LINGO2: variants seen among roughly 807,000 people sequenced by gnomAD.
LINGO2 encodes leucine-rich repeat and immunoglobulin-like domain-containing nogo receptor-interacting protein 2.
In LINGO2, 14 loss-of-function variants were observed where a neutral mutation model predicts 30.6. The ratio of observed to expected loss-of-function variants is 0.46; its 90% confidence interval spans 0.30 to 0.72. The LOEUF is 0.72. Among genes scored for constraint, LINGO2 ranks in the 30% least tolerant of loss-of-function variants. The pLI is 0.07. For synonymous variants in LINGO2, 317 were observed against 288.5 expected, an observed-to-expected ratio of 1.10 and a Z score of -1.00; for missense variants, 729 against 751.7, an observed-to-expected ratio of 0.97 and a Z score of 0.35.
chr9:28,678,074 G>A, the LINGO2 span, among the ~76,000 whole-genome samples: 3 of 148,154 alleles, frequency 2.0e-5, no homozygotes, highest in Non-Finnish European at 3.0e-5. Flanking sequence ...ACCTTCCAAC[G>A]AAAATTATCT....
the LINGO2 span, among the ~76,000 whole-genome samples, chr9:29,180,410 C>T: frequency 6.6e-6 from 1 of 152,206 alleles, no homozygotes; most frequent in African/African-American, 2.4e-5. Flanking sequence ...TATCCTTCTA[C>T]ATTTTATTCC....
the LINGO2 span, among the ~76,000 whole-genome samples, chr9:28,740,096 A>G: frequency 1.3e-5 from 2 of 150,728 alleles, no homozygotes; most frequent in Non-Finnish European, 2.9e-5. Flanking sequence ...CTGCCCCCAG[A>G]AAAATATGTG....
the LINGO2 span, among the ~76,000 whole-genome samples, chr9:28,838,313 C>A: frequency 2.0e-5 from 3 of 152,190 alleles, no homozygotes; most frequent in South Asian, 6.2e-4. Context: ...ATTTGTCTGG[C>A]TTTAGAAAGT....
intron 4 of LINGO2, among the ~76,000 whole-genome samples, chr9:28,125,861 T>C (rs1019285489): frequency 9.2e-5 from 14 of 152,220 alleles, no homozygotes; most frequent in African/African-American, 3.4e-4. Flanking sequence ...GTTCAGTTTT[T>C]ACATTTCCCA....
At chr9:28,961,126 A>G in the LINGO2 span, among the ~76,000 whole-genome samples, 1 of 152,184 alleles carries the variant, frequency 6.6e-6, no homozygotes, top group Non-Finnish European at 1.5e-5. Flanking sequence ...ATATACTGTA[A>G]GGTTTGGAAT....
chr9:28,047,395 T>C (rs1171443090), intron 4 of LINGO2, among the ~76,000 whole-genome samples: 1 of 140,998 alleles, frequency 7.1e-6, no homozygotes, highest in Non-Finnish European at 1.5e-5. Context: ...TTTTTTCATA[T>C]TCAAACAGAT....
chr9:28,117,208 C>T (rs1826935855), intron 4 of LINGO2, among the ~76,000 whole-genome samples: 1 of 151,922 alleles, frequency 6.6e-6, no homozygotes, highest in African/African-American at 2.4e-5. Context: ...GGGGTGCCTC[C>T]CAGTTAGGCT....
chr9:29,102,577 G>T, the LINGO2 span, among the ~76,000 whole-genome samples: 1 of 152,114 alleles, frequency 6.6e-6, no homozygotes. Context: ...TCATTTAATT[G>T]AAAGTTCCTC....
At chr9:28,297,322 A>T (rs1823960160) in intron 3 of LINGO2, among the ~76,000 whole-genome samples, 1 of 152,216 alleles carries the variant, frequency 6.6e-6, no homozygotes, top group South Asian at 2.1e-4. Context: ...TCTTTTCAGC[A>T]GTGATGATTT....
intron 4 of LINGO2, among the ~76,000 whole-genome samples, chr9:28,122,501 G>C (rs545283520): frequency 5.3e-5 from 8 of 152,156 alleles, no homozygotes; most frequent in African/African-American, 1.9e-4. Flanking sequence ...AGAAAGTTTT[G>C]CTAACCTGTC....
intron 3 of LINGO2, among the ~76,000 whole-genome samples, chr9:28,323,147 A>G (rs1442465922): frequency 6.6e-6 from 1 of 152,222 alleles, no homozygotes; most frequent in Non-Finnish European, 1.5e-5. Flanking sequence ...ATACAGTTTA[A>G]TATGTTATAT....
At chr9:29,203,165 G>A in the LINGO2 span, among the ~76,000 whole-genome samples, 12 of 152,112 alleles carry the variant, frequency 7.9e-5, no homozygotes, top group African/African-American at 2.2e-4. Flanking sequence ...AATGATCTTC[G>A]CTGATTATAA....
intron 5 of LINGO2, among the ~76,000 whole-genome samples, chr9:27,952,795 G>T (rs949864733): frequency 9.2e-5 from 14 of 151,972 alleles, no homozygotes; most frequent in Non-Finnish European, 5.9e-5. Context: ...TGTACTAGAA[G>T]AAAATTCAAT....
At chr9:28,401,392 T>C (rs1472564944) in intron 2 of LINGO2, among the ~76,000 whole-genome samples, 1 of 151,844 alleles carries the variant, frequency 6.6e-6, no homozygotes, top group Admixed American at 6.6e-5. Context: ...TGGTGTTTGG[T>C]TTTTGGTTTC....
At chr9:27,979,009 T>C (rs1421144412) in intron 5 of LINGO2, among the ~76,000 whole-genome samples, 2 of 152,032 alleles carry the variant, frequency 1.3e-5, no homozygotes, top group African/African-American at 4.8e-5. Flanking sequence ...AGCCACTTAT[T>C]TAAGGTCATA....
At chr9:28,002,114 C>G (rs113288817) in intron 5 of LINGO2, among the ~76,000 whole-genome samples, 111 of 152,318 alleles carry the variant, frequency 7.3e-4, no homozygotes, top group Non-Finnish European at 1.2e-3. Context: ...TTGAATATTA[C>G]AGTGTGAGCA....
At chr9:28,515,612 A>T (rs2033366814) in intron 1 of LINGO2, among the ~76,000 whole-genome samples, 2 of 152,234 alleles carry the variant, frequency 1.3e-5, no homozygotes, top group South Asian at 4.1e-4. Context: ...TGGAGTCTGA[A>T]GATGTGACTG....
chr9:28,313,799 A>G (rs891439504), intron 3 of LINGO2, among the ~76,000 whole-genome samples: 2 of 152,216 alleles, frequency 1.3e-5, no homozygotes, highest in Admixed American at 6.5e-5. Flanking sequence ...TAGAAGTCCT[A>G]TCCACATTAT....
chr9:28,860,577 AAGATAGATAGATGGAT>A, the LINGO2 span, among the ~76,000 whole-genome samples: 1 of 151,374 alleles, frequency 6.6e-6, no homozygotes, highest in African/African-American at 2.4e-5. Context: ...AGATAGAAGA[AAGATAGATAGATGGAT>A]AGATAGATAG....
Sources: gnomAD v4.1 joint callset for allele counts (sites outside exome capture counted in the v4.1 genomes callset) on GRCh38, gnomAD v4.1.1 for gene constraint, MANE v1.5 for transcripts, NCBI Gene and HGNC (gene_info 2026-07-23, HGNC 2026-07-21) for gene names.